TRMU: variants seen among roughly 807,000 people sequenced by gnomAD.
TRMU encodes tRNA mitochondrial 2-thiouridylase.
In TRMU, 49 loss-of-function variants were observed where a neutral mutation model predicts 46.9. The observed-to-expected ratio is 1.05, with a 90% CI of 0.83 to 1.33. The LOEUF (loss-of-function observed/expected upper bound fraction) is 1.33. Among genes scored for constraint, TRMU ranks in the 40% most tolerant of loss-of-function variants. The pLI is 0.00. For synonymous variants in TRMU, 241 were observed against 200.9 expected, an observed-to-expected ratio of 1.20 and a Z score of -1.69; for missense variants, 572 against 532.4, an observed-to-expected ratio of 1.07 and a Z score of -0.73.
In TRMU at chr22:46,353,554, C is replaced by A. The variant is rs111469973; in HGVS notation, c.773-213C>A. The A allele has an allele frequency of 2.9e-4, 144 of 499,752 alleles. 2 individuals are homozygous for A. Among genetic ancestry groups the A allele is most frequent in the African/African-American group, 2.4e-3 (123 of 52,164 alleles). The allele number at this position is 499,752 out of a possible 1,614,324, so 31.0% of individuals were successfully genotyped here. A position where few individuals can be genotyped will look rare whatever the true frequency, so the allele number is the denominator to read the frequency against. On this transcript the variant is annotated intron_variant, in intron 7 of 10. Transcript: ENST00000645190. ...GGTGCCTTCTTTGTGGCCACCACACCCCATGTCCAGCCCAGGCCTGGACAA... is the reference window on the plus strand; with the variant it reads ...GGTGCCTTCTTTGTGGCCACCACACACCATGTCCAGCCCAGGCCTGGACAA...
At position 46,350,971 on chromosome 22, in the gene TRMU, G is replaced by C. The variant is rs1031852477; in HGVS notation, c.651+508G>C. Among the ~76,000 whole-genome samples, 2 of 152,246 alleles carry C rather than the reference G, an allele frequency of 1.3e-5. 1 individual carries two copies. The highest frequency in any genetic ancestry group is 2.9e-5 in the Non-Finnish European group (2 of 68,046). On this transcript the variant is annotated intron_variant, in intron 5 of 10. Transcript: ENST00000645190. This position sits in a 1 kb window ranked among gnomAD's most constrained non-coding sequence, Gnocchi z 4.6. ...TCGCCTCCATGGAGCCCGCCCGCGA[G>C]TGGGGGACACAGGCAGGAGGCCAAT... is the stretch of plus-strand genomic sequence containing the variant.
In TRMU at chr22:46,348,404, A is replaced by G. The variant is rs983269141; in HGVS notation, c.478+1860A>G. On this transcript the variant is annotated intron_variant, in intron 4 of 10. Coordinates refer to ENST00000645190, the MANE Select transcript of TRMU (RefSeq NM_018006.5). The surrounding 1 kb of genome is among the most constrained non-coding windows in gnomAD (Gnocchi z 4.8). Reference sequence around the variant, plus strand: ...TTGGCCTTCACTGGGTTTTGTAGGCACACTAAGGTTTCCATTTCATTCTTC... The same window carrying G: ...TTGGCCTTCACTGGGTTTTGTAGGCGCACTAAGGTTTCCATTTCATTCTTC... Among the ~76,000 whole-genome samples, 7 of 152,204 alleles carry G rather than the reference A, an allele frequency of 4.6e-5. No homozygotes were observed. The highest frequency in any genetic ancestry group is 1.7e-4 in the African/African-American group (7 of 41,450).
intron 7 of TRMU, chr22:46,352,967 C>T (rs865868000): frequency 5.7e-6 from 1 of 175,228 alleles, no homozygotes; most frequent in Non-Finnish European, 1.2e-5. Context: ...CAGCACAGAC[C>T]TGAGCTGTGG....
chr22:46,351,665 C>T lies in TRMU; in HGVS notation c.652-456C>T, dbSNP rs986111762. The stretch of plus-strand genomic sequence containing the variant: ...TGATGGGGCCACGGTGGAGAGCGCA[C>T]GCCACCCAGGCTCCCCAGCTAGGGC... On this transcript the variant is annotated intron_variant, in intron 5 of 10. Coordinates refer to ENST00000645190, the MANE Select transcript of TRMU (RefSeq NM_018006.5). This position sits in a 1 kb window ranked among gnomAD's most constrained non-coding sequence, Gnocchi z 6.4. The T allele has an allele frequency of 2.8e-5, 8 of 290,020 alleles. No individual in the cohort carries two copies. The highest frequency in any genetic ancestry group is 8.5e-5 in the East Asian group (1 of 11,752). 18.0% of individuals were successfully genotyped at this position (290,020 alleles called of 1,614,324 possible).
Position 46,339,210 on chromosome 22 carries a change from C to T in TRMU, c.248+1266C>T, listed in dbSNP as rs1156484002. The stretch of plus-strand genomic sequence containing the variant: ...TGTTGCCCAGGCTGGAGTGCAGTGG[C>T]GCAATCTTGGCTCACTGCAACATCT... On this transcript the variant is annotated intron_variant, in intron 2 of 10. Transcript: ENST00000645190. The surrounding 1 kb of genome is among the most constrained non-coding windows in gnomAD (Gnocchi z 4.8). Among the ~76,000 whole-genome samples the T allele has an allele frequency of 2.0e-5, 3 of 152,046 alleles. No individual in the cohort carries two copies. The highest frequency in any genetic ancestry group is 2.9e-5 in the Non-Finnish European group (2 of 68,016).
At position 46,351,969 on chromosome 22, in the gene TRMU, G is replaced by A. The variant is rs540055082; in HGVS notation, c.652-152G>A. On this transcript the variant is annotated intron_variant, in intron 5 of 10. Coordinates refer to ENST00000645190, the MANE Select transcript of TRMU (RefSeq NM_018006.5). The surrounding 1 kb of genome is among the most constrained non-coding windows in gnomAD (Gnocchi z 6.4). The stretch of plus-strand genomic sequence containing the variant: ...ATCGTGTGCGCCGGCTGTGACTGGC[G>A]GCCGAGGGTGCCGGTGGGCAGCCGG... 2.4e-4 allele frequency: 197 copies of A among 833,786 alleles called. 1 individual carries two copies. The African/African-American group carries it at 2.7e-3, about 11-fold the overall frequency. 51.6% of individuals were successfully genotyped at this position (833,786 alleles called of 1,614,324 possible).
chr22:46,340,987 G>C (rs1419463124), intron 2 of TRMU, among the ~76,000 whole-genome samples: 1 of 152,252 alleles, frequency 6.6e-6, no homozygotes, highest in Non-Finnish European at 1.5e-5. Context: ...TTCTCTAGTA[G>C]GGCTCTCTAG....
intron 7 of TRMU, chr22:46,352,844 T>G: frequency 3.8e-6 from 1 of 262,066 alleles, no homozygotes; most frequent in Non-Finnish European, 7.5e-6. Context: ...GGGGACAGGC[T>G]CCGAGTCAGT....
rs1039120552 is a variant in TRMU, at chr22:46,338,580, A to G, written c.248+636A>G. ...CAGTCACTGAACCCAGAGGAGGGAG[A>G]AACTTGCAGTGTGGAGTAATCAAGA... On this transcript the variant is annotated intron_variant, in intron 2 of 10. Coordinates refer to ENST00000645190, the MANE Select transcript of TRMU (RefSeq NM_018006.5). This position sits in a 1 kb window ranked among gnomAD's most constrained non-coding sequence, Gnocchi z 4.5. Among the ~76,000 whole-genome samples, 2 of 152,196 alleles carry G rather than the reference A, an allele frequency of 1.3e-5. No homozygotes were observed. The highest frequency in any genetic ancestry group is 2.9e-5 in the Non-Finnish European group (2 of 68,034).
intron 8 of TRMU, 182 bp downstream of exon 8, chr22:46,354,049 A>C (rs1569085570): frequency 3.2e-6 from 2 of 616,530 alleles, no homozygotes; most frequent in East Asian, 6.0e-5. Context: ...GAGAGTTTTA[A>C]GGTATTCATT....
chr22:46,352,713 A>G, intron 7 of TRMU: 1 of 357,288 alleles, frequency 2.8e-6, no homozygotes, highest in South Asian at 2.3e-5. Context: ...CATGGTGTGA[A>G]TGATTAAGGA....
chr22:46,340,181 C>T (rs908596273), intron 2 of TRMU, among the ~76,000 whole-genome samples: 1 of 152,120 alleles, frequency 6.6e-6, no homozygotes, highest in Non-Finnish European at 1.5e-5. Context: ...CTTTAATAAG[C>T]ACTTCAGCTG....
intron 6 of TRMU, 44 bp downstream of exon 6, chr22:46,352,218 G>T: frequency 6.2e-7 from 1 of 1,614,124 alleles, no homozygotes; most frequent in Non-Finnish European, 8.5e-7. Context: ...CTGCGTGTCT[G>T]CCCTGGGCCT....
chr22:46,342,567 A>G lies in TRMU; in HGVS notation c.249-695A>G, dbSNP rs1411081137. 6.6e-6 allele frequency among the ~76,000 whole-genome samples: 1 copy of G among 152,232 alleles called. No individual in the cohort carries two copies. The highest frequency in any genetic ancestry group is 1.5e-5 in the Non-Finnish European group (1 of 68,042). ...CAGAAAGGTAGACGCTTGTAATCCT[A>G]GCACTTTAGGAGGCTGAGGCAGGAG... is the stretch of plus-strand genomic sequence containing the variant. On this transcript the variant is annotated intron_variant, in intron 2 of 10. Coordinates refer to ENST00000645190, the MANE Select transcript of TRMU (RefSeq NM_018006.5). The surrounding 1 kb of genome is among the most constrained non-coding windows in gnomAD (Gnocchi z 4.7).
At chr22:46,353,521 G>C (rs1601983437) in intron 7 of TRMU, 1 of 437,288 alleles carries the variant, frequency 2.3e-6, no homozygotes, top group Non-Finnish European at 4.4e-6. Flanking sequence ...GCACCTTCTG[G>C]GGCACAAGGT....
At chr22:46,337,692 T>TG in intron 1 of TRMU, 87 bp from the exon 2 acceptor site, 2 of 1,544,226 alleles carry the variant, frequency 1.3e-6, no homozygotes, top group Non-Finnish European at 1.8e-6. Flanking sequence ...GCACAGCGTG[T>TG]GGGGAACTTC....
chr22:46,335,841 G>A lies in TRMU; in HGVS notation c.77G>A (p.Arg26Gln). Reference protein sequence around the residue: ...DSAVAALLLRRRGYQVTGVFM... With the variant: ...DSAVAALLLRQRGYQVTGVFM... ...GCCGTGGCCGCGCTGCTGCTGAGGC[G>A]GAGAGGTGAGGCGTCCGAGGCTCCC... The change falls in exon 1 of 11, where the codon CGG becomes CAG. Residue 26 changes from arginine to glutamine, a missense_variant. Physicochemically the swap from Arg to Gln is conservative, Grantham distance 43. Coordinates refer to ENST00000645190, the MANE Select transcript of TRMU (RefSeq NM_018006.5). The A allele has an allele frequency of 5.2e-6, 8 of 1,548,772 alleles. No individual in the cohort carries two copies. Among genetic ancestry groups the A allele is most frequent in the Non-Finnish European group, 6.9e-6 (8 of 1,153,336 alleles).
At position 46,339,631 on chromosome 22, in the gene TRMU, T is replaced by C. The variant is rs964938363; in HGVS notation, c.248+1687T>C. On this transcript the variant is annotated intron_variant, in intron 2 of 10. Transcript: ENST00000645190. The surrounding 1 kb of genome is among the most constrained non-coding windows in gnomAD (Gnocchi z 4.8). ...TCAGAAGTCACCACTGAAGAACTTA[T>C]CCATGTGACCAAATACCAGCTGTTG... Among the ~76,000 whole-genome samples, 4 of 152,148 alleles carry C rather than the reference T, an allele frequency of 2.6e-5. No individual in the cohort carries two copies. Among genetic ancestry groups the C allele is most frequent in the Non-Finnish European group, 2.9e-5 (2 of 68,020 alleles).
rs368787983 is a variant in TRMU at position 46,353,763 on chromosome 22, G to A, written c.773-4G>A. The A allele has an allele frequency of 2.1e-5, 34 of 1,613,406 alleles. No homozygotes were observed. Among genetic ancestry groups the A allele is most frequent in the Non-Finnish European group, 2.7e-5 (32 of 1,179,570 alleles). ...AGCCTCATGGAGAAACTGTCTTTCTGTAGGTTGGTTCCTGTATACCTTGGG... is the reference window on the plus strand; with the variant it reads ...AGCCTCATGGAGAAACTGTCTTTCTATAGGTTGGTTCCTGTATACCTTGGG... On this transcript the variant is annotated splice_polypyrimidine_tract_variant and splice_region_variant and intron_variant, in intron 7 of 10. Transcript: ENST00000645190.
Sources: gnomAD v4.1 joint callset for allele counts (sites outside exome capture counted in the v4.1 genomes callset) on GRCh38, gnomAD v4.1.1 for gene constraint, Gnocchi (gnomAD v3.1) non-coding constraint, MANE v1.5 for transcripts, NCBI Gene and HGNC (gene_info 2026-07-23, HGNC 2026-07-21) for gene names.